The following MAP9 variants were observed in gnomAD, a reference collection of about 807,000 sequenced individuals.
The protein encoded by MAP9 is microtubule associated protein 9.
In MAP9, 80 loss-of-function variants were observed where a neutral mutation model predicts 75.2. That is an observed-to-expected ratio of 1.06 (90% CI 0.89 to 1.28). The LOEUF (loss-of-function observed/expected upper bound fraction) is 1.28. Among genes scored for constraint, MAP9 ranks in the 50% most tolerant of loss-of-function variants. The pLI is 0.00. For synonymous variants in MAP9, 235 were observed against 237.3 expected (o/e 0.99, Z 0.09); for missense variants, 753 against 719.9 (o/e 1.05, Z -0.53).
chr4:155,369,194 G>A (rs969434081), intron 4 of MAP9, among the ~76,000 whole-genome samples: 4 of 151,740 alleles, frequency 2.6e-5, no homozygotes, highest in Non-Finnish European at 5.9e-5. Context: ...TTAGTAGCGC[G>A]TGCCTGTAAT....
At chr4:155,356,233 C>T (rs1296303480) in intron 8 of MAP9, among the ~76,000 whole-genome samples, 1 of 151,968 alleles carries the variant, frequency 6.6e-6, no homozygotes, top group Non-Finnish European at 1.5e-5. Flanking sequence ...TGCCACTGAA[C>T]TCCAGCCTGA....
At position 155,346,131 on chromosome 4, in the gene MAP9, C is replaced by A. The variant is rs1731278540; in HGVS notation, c.*1652G>T. The A allele has an allele frequency of 6.6e-6, 1 of 152,166 alleles. No homozygotes were observed. Among genetic ancestry groups the A allele is most frequent in the Admixed American group, 6.6e-5 (1 of 15,254 alleles). The allele number at this position is 152,166 out of a possible 1,614,324, so 9.4% of individuals were successfully genotyped here. ...AAGCTGCCTATGACATCTTATCTTG[C>A]ACATGCACTGCAGCAAGAAGGCTGA... is the stretch of plus-strand genomic sequence containing the variant. On this transcript the variant is annotated 3_prime_UTR_variant, in exon 14 of 14. Coordinates refer to ENST00000311277, the MANE Select transcript of MAP9 (RefSeq NM_001039580.2).
rs116922274 is a variant in MAP9, at chr4:155,352,367, A to T, written c.1821+229T>A. 50 of 377,844 alleles carry T rather than the reference A, an allele frequency of 1.3e-4. 1 individual carries two copies. In the East Asian group the frequency reaches 3.6e-3, roughly 27 times the overall value. 23.4% of individuals were successfully genotyped at this position (377,844 alleles called of 1,614,324 possible). A position where few individuals can be genotyped will look rare whatever the true frequency, so the allele number is the denominator to read the frequency against. On this transcript the variant is annotated intron_variant, in intron 13 of 13. Transcript: ENST00000311277. ...TGTGGGGATGCAGGTAAGGAAGAAG[A>T]TTATAACAAGTTTTCAGCCTGGGTG...
intron 6 of MAP9, 113 bp from the exon 7 acceptor site, chr4:155,360,528 C>A (rs1055421386): frequency 3.0e-6 from 3 of 1,011,926 alleles, no homozygotes; most frequent in Non-Finnish European, 4.2e-6. Flanking sequence ...TTTTTTCTTG[C>A]AAAATATGAA....
intron 3 of MAP9, among the ~76,000 whole-genome samples, chr4:155,373,772 T>G (rs1262836768): frequency 6.6e-6 from 1 of 152,332 alleles, no homozygotes; most frequent in Non-Finnish European, 1.5e-5. Flanking sequence ...CAATCAGTCA[T>G]GTAGCATTTA....
intron 13 of MAP9, among the ~76,000 whole-genome samples, chr4:155,351,425 T>G (rs1164032374): frequency 6.6e-6 from 1 of 151,118 alleles, no homozygotes; most frequent in South Asian, 2.1e-4. Context: ...GTGTAGGTCT[T>G]TTCAACTATG....
chr4:155,373,381 G>T lies in MAP9; in HGVS notation c.236C>A (p.Ser79Ter). The T allele has an allele frequency of 6.2e-7, 1 of 1,608,558 alleles. No homozygotes were observed. Among genetic ancestry groups the T allele is most frequent in the South Asian group, 1.1e-5 (1 of 89,768 alleles). ...TGAAGGATTCTTTTCTTCATCATCT[G>T]ATATATGAAAGTCATTCATTTTTTT... ...VNKKMNDFHI[S>*]DDEEKNPSKL... is the part of the protein sequence containing the mutation. The change falls in exon 4 of 14, where the codon TCA (serine) becomes TAA (stop). Residue 79 changes from serine to a stop codon, truncating the protein, a stop_gained. Transcript: ENST00000311277. LOFTEE classifies it high-confidence loss of function.
Position 155,353,288 on chromosome 4 carries a change from G to T in MAP9, c.1433C>A (p.Ala478Asp), listed in dbSNP as rs1731605661. The T allele has an allele frequency of 1.9e-6, 3 of 1,602,884 alleles. No individual in the cohort carries two copies. Among genetic ancestry groups the T allele is most frequent in the Admixed American group, 1.7e-5 (1 of 58,184 alleles). ...EALASFEAWKAMKEKEAKKIA... is the reference protein window; with the variant it reads ...EALASFEAWKDMKEKEAKKIA... ...TTTCTTTGCTTCCTTTTCTTTCATAGCCTTCCAGGCCTCAAATGATGCTAA... is the reference window on the plus strand; with the variant it reads ...TTTCTTTGCTTCCTTTTCTTTCATATCCTTCCAGGCCTCAAATGATGCTAA... The change falls in exon 11 of 14, where the codon GCT (alanine) becomes GAT (aspartate). Residue 478 changes from alanine (A) to aspartate (D), a missense_variant. Ala to Asp is a moderately radical substitution (Grantham distance 126). Coordinates refer to ENST00000311277, the MANE Select transcript of MAP9 (RefSeq NM_001039580.2).
Position 155,344,241 on chromosome 4 carries a change from G to A in MAP9, c.*3542C>T, listed in dbSNP as rs573107259. The A allele has an allele frequency of 6.6e-6, 1 of 152,022 alleles. No homozygotes were observed. Among genetic ancestry groups the A allele is most frequent in the African/African-American group, 2.4e-5 (1 of 41,558 alleles). The allele number at this position is 152,022 out of a possible 1,614,324, so 9.4% of individuals were successfully genotyped here. On this transcript the variant is annotated 3_prime_UTR_variant, in exon 14 of 14. Transcript: ENST00000311277. The stretch of plus-strand genomic sequence containing the variant: ...CAGTTATGAAGGCAGCAGTGGAGGA[G>A]TAAGGAGATAAATAAGAGGACATGA...
chr4:155,353,414 A>C, intron 10 of MAP9, 74 bp from the exon 11 acceptor site: 1 of 1,194,256 alleles, frequency 8.4e-7, no homozygotes, highest in Non-Finnish European at 1.1e-6. Flanking sequence ...GGCTAGATAT[A>C]AATATACACA....
chr4:155,352,433 C>A, intron 13 of MAP9, 163 bp downstream of exon 13: 1 of 642,080 alleles, frequency 1.6e-6, no homozygotes, highest in Non-Finnish European at 2.6e-6. Context: ...ATGACTAAGT[C>A]AAAGAAAATA....
chr4:155,376,310 C>CA (rs528730054), intron 1 of MAP9: 10,775 of 149,108 alleles, frequency 0.072, 420 homozygotes, highest in Middle Eastern at 0.14. Flanking sequence ...GCACCACCAC[C>CA]AAAAAAAAAA....
At chr4:155,354,464 T>C in intron 10 of MAP9, 1 of 106,358 alleles carries the variant, frequency 9.4e-6, no homozygotes. Flanking sequence ...CTTTATCTTG[T>C]CGTGCCTTTT....
intron 5 of MAP9, among the ~76,000 whole-genome samples, chr4:155,366,006 G>A (rs993674421): frequency 7.9e-5 from 12 of 152,010 alleles, no homozygotes; most frequent in African/African-American, 2.9e-4. Context: ...CAGAAATCAC[G>A]AAAATCTTAA....
chr4:155,351,097 T>C (rs1475101028), intron 13 of MAP9: 2 of 151,804 alleles, frequency 1.3e-5, no homozygotes, highest in Non-Finnish European at 2.9e-5. Context: ...GGGAGATGAA[T>C]CCAAGCAGAT....
intron 2 of MAP9, among the ~76,000 whole-genome samples, chr4:155,375,341 T>C (rs909487116): frequency 1.3e-5 from 2 of 152,194 alleles, no homozygotes; most frequent in African/African-American, 2.4e-5. Flanking sequence ...ATTTAGATTA[T>C]AATTTATTAA....
chr4:155,373,748 C>T (rs959443028), intron 3 of MAP9, among the ~76,000 whole-genome samples: 1 of 152,148 alleles, frequency 6.6e-6, no homozygotes, highest in Admixed American at 6.5e-5. Flanking sequence ...AAAAAGCCAT[C>T]CAAAGGTCCC....
In MAP9 at chr4:155,347,848, G is replaced by C. The variant is rs1731337219; in HGVS notation, c.1879C>G (p.Leu627Val). The C allele has an allele frequency of 8.1e-6, 13 of 1,604,028 alleles. No homozygotes were observed. The highest frequency in any genetic ancestry group is 1.1e-5 in the Non-Finnish European group (13 of 1,172,794). Residue 627 changes from leucine (L) to valine (V), a missense_variant, in exon 14 of 14, where the codon CTT (leucine) becomes GTT (valine). Transcript: ENST00000311277. ...CACGGAGGAAGTGCCTCACTTTCAA[G>C]AAAGGAATGACGTTTCTTCTGTTTT... ...ERKQKKRHSFLESEALPPWSP... is the reference protein window; with the variant it reads ...ERKQKKRHSFVESEALPPWSP...
chr4:155,363,970 A>G (rs964806435), intron 5 of MAP9, among the ~76,000 whole-genome samples: 3 of 152,134 alleles, frequency 2.0e-5, no homozygotes, highest in Non-Finnish European at 4.4e-5. Flanking sequence ...AGACAGTATC[A>G]GCTTATAGGT....
Sources: gnomAD v4.1 joint callset for allele counts (sites outside exome capture counted in the v4.1 genomes callset) on GRCh38, gnomAD v4.1.1 for gene constraint, MANE v1.5 for transcripts, NCBI Gene and HGNC (gene_info 2026-07-23, HGNC 2026-07-21) for gene names.